Variants in CALY observed in about 807,000 individuals in gnomAD.
CALY encodes the protein neuron-specific vesicular protein calcyon.
A neutral mutation model predicts 20.2 loss-of-function variants in CALY; 15 were observed. That is an observed-to-expected ratio of 0.74 (90% CI 0.50 to 1.14). CALY has a LOEUF of 1.14. CALY is among the 50% of genes most tolerant of loss of function. CALY has a pLI of 0.00. For missense variants in CALY, 270 were observed against 304.4 expected (o/e 0.89, Z 0.84); for synonymous variants, 129 against 131.8 (o/e 0.98, Z 0.15).
chr10:133,326,526 G>A (rs971954558), intron 4 of CALY, among the ~76,000 whole-genome samples: 3 of 151,916 alleles, frequency 2.0e-5, no homozygotes, highest in Non-Finnish European at 2.9e-5. Context: ...AAGGATGGAA[G>A]AAAATATCTG....
Position 133,331,631 on chromosome 10 carries a change from A to G in CALY, c.-20-2622T>C, listed in dbSNP as rs143768403. ...GGAAACACTGTCGACAGAGACCAAG[A>G]AAAGCTAAATTCCCCAAGTAAATGG... is the stretch of plus-strand genomic sequence containing the variant. On this transcript the variant is annotated intron_variant, in intron 1 of 5. Transcript: ENST00000252939. Among the ~76,000 whole-genome samples, 751 of 152,340 alleles carry G rather than the reference A, an allele frequency of 4.9e-3. 6 individuals are homozygous for G. Among genetic ancestry groups the G allele is most frequent in the African/African-American group, 0.017 (708 of 41,572 alleles).
intron 3 of CALY, chr10:133,327,404 G>T: frequency 2.0e-6 from 1 of 493,216 alleles, no homozygotes; most frequent in East Asian, 3.3e-5. Flanking sequence ...ATGAGCTGCA[G>T]ACTGGAACGT....
Position 133,331,866 on chromosome 10 carries a change from C to A in CALY, c.-20-2857G>T, listed in dbSNP as rs77979551. On this transcript the variant is annotated intron_variant, in intron 1 of 5. Transcript: ENST00000252939. ...ATGGATTGCCAGGCACAGTGGCTCA[C>A]GCCTGTAGTCCCAACACTTTGGGAG... is the stretch of plus-strand genomic sequence containing the variant. Among the ~76,000 whole-genome samples the A allele has an allele frequency of 7.0e-3, 1,071 of 152,274 alleles. 21 individuals are homozygous for A. Among genetic ancestry groups the A allele is most frequent in the African/African-American group, 0.025 (1,024 of 41,550 alleles).
At chr10:133,332,213 G>A (rs1848321293) in intron 1 of CALY, among the ~76,000 whole-genome samples, 1 of 152,036 alleles carries the variant, frequency 6.6e-6, no homozygotes, top group Non-Finnish European at 1.5e-5. Context: ...GAGGTGTGGG[G>A]CTACTGCGTG....
rs932383305 is a variant in CALY at position 133,326,917 on chromosome 10, C to T, written c.321G>A (p.Trp107Ter). 2 of 1,610,778 alleles carry T rather than the reference C, an allele frequency of 1.2e-6. No individual in the cohort carries two copies. Among genetic ancestry groups the T allele is most frequent in the Admixed American group, 1.7e-5 (1 of 59,746 alleles). Residue 107 changes from tryptophan (W) to a stop codon, truncating the protein, a stop_gained, in exon 4 of 6, where the codon TGG becomes TGA. Coordinates refer to ENST00000252939, the MANE Select transcript of CALY (RefSeq NM_015722.4). LOFTEE classifies it high-confidence loss of function. ...CGTCGGGGCAGGTGAACTGGTCGTA[C>T]CAGATGGCCTTGTACATGATCAGCA... is the stretch of plus-strand genomic sequence containing the variant. ...GCVLIMYKAI[W>*]YDQFTCPDGF... is the part of the protein sequence containing the mutation.
chr10:133,324,493 G>C lies in CALY; in HGVS notation c.*1102C>G, dbSNP rs559722866. 9.0e-5 allele frequency: 39 copies of C among 433,490 alleles called. 1 individual carries two copies. In the East Asian group the frequency reaches 2.6e-3, roughly 29 times the overall value. The allele number at this position is 433,490 out of a possible 1,614,324, so 26.9% of individuals were successfully genotyped here. Reference sequence around the variant, plus strand: ...GGGTGGGCGGGGCTGCAGAGCCGCTGCTGGCTGGGGTGGGCGGGGCTGCAG... The same window carrying C: ...GGGTGGGCGGGGCTGCAGAGCCGCTCCTGGCTGGGGTGGGCGGGGCTGCAG... On this transcript the variant is annotated 3_prime_UTR_variant, in exon 6 of 6. Coordinates refer to ENST00000252939, the MANE Select transcript of CALY (RefSeq NM_015722.4).
intron 1 of CALY, among the ~76,000 whole-genome samples, chr10:133,333,397 G>C (rs1361271543): frequency 6.8e-6 from 1 of 146,856 alleles, no homozygotes; most frequent in Non-Finnish European, 1.5e-5. Context: ...GATCCGAGCG[G>C]AGGGGTCCGA....
At chr10:133,332,462 AG>A (rs1247032514) in intron 1 of CALY, among the ~76,000 whole-genome samples, 1 of 152,260 alleles carries the variant, frequency 6.6e-6, no homozygotes, top group Non-Finnish European at 1.5e-5. Context: ...TTTCTTCATT[AG>A]GACAATAGGT....
At chr10:133,333,534 G>T (rs1457050794) in intron 1 of CALY, among the ~76,000 whole-genome samples, 2 of 151,744 alleles carry the variant, frequency 1.3e-5, no homozygotes, top group African/African-American at 4.8e-5. Flanking sequence ...GGATCTGAGG[G>T]GGGAAGAATC....
intron 1 of CALY, among the ~76,000 whole-genome samples, chr10:133,332,771 T>TGGTA (rs1357473630): frequency 1.3e-5 from 2 of 152,088 alleles, no homozygotes; most frequent in Non-Finnish European, 2.9e-5. Flanking sequence ...GACCCAAAAC[T>TGGTA]GGTATCGTTA....
At chr10:133,328,634 C>T (rs1311114361) in intron 2 of CALY, among the ~76,000 whole-genome samples, 6 of 152,212 alleles carry the variant, frequency 3.9e-5, no homozygotes, top group Admixed American at 3.9e-4. Context: ...CGTGAATTCT[C>T]GGTTACCCAT....
rs1362931844 is a variant in CALY, at chr10:133,326,903, G to A, written c.335C>T (p.Thr112Ile). 1.2e-6 allele frequency: 2 copies of A among 1,609,560 alleles called. No individual in the cohort carries two copies. Among genetic ancestry groups the A allele is most frequent in the African/African-American group, 1.3e-5 (1 of 75,042 alleles). Residue 112 changes from threonine (T) to isoleucine (I), a missense_variant, in exon 4 of 6, where the codon ACC becomes ATC. Coordinates refer to ENST00000252939, the MANE Select transcript of CALY (RefSeq NM_015722.4). ...CCGCAGCAGGAAGCCGTCGGGGCAGGTGAACTGGTCGTACCAGATGGCCTT... is the reference window on the plus strand; with the variant it reads ...CCGCAGCAGGAAGCCGTCGGGGCAGATGAACTGGTCGTACCAGATGGCCTT... ...MYKAIWYDQF[T>I]CPDGFLLRHK...
chr10:133,325,681 G>T, intron 5 of CALY, 115 bp from the exon 6 acceptor site: 3 of 459,512 alleles, frequency 6.5e-6, no homozygotes, highest in Non-Finnish European at 9.9e-6. Context: ...GTTCTGGCGG[G>T]CCGGGTCGGA....
At chr10:133,331,339 A>G (rs1271424685) in intron 1 of CALY, among the ~76,000 whole-genome samples, 1 of 152,246 alleles carries the variant, frequency 6.6e-6, no homozygotes, top group East Asian at 1.9e-4. Context: ...ACTCTGATTG[A>G]TTCACCCATG....
At chr10:133,335,300 C>T (rs1410927841) in intron 1 of CALY, among the ~76,000 whole-genome samples, 7 of 152,268 alleles carry the variant, frequency 4.6e-5, no homozygotes, top group African/African-American at 1.7e-4. Context: ...AGTCCCGCAC[C>T]AGGGCCCGCA....
chr10:133,336,559 G>A (rs906971969), intron 1 of CALY, among the ~76,000 whole-genome samples: 4 of 152,126 alleles, frequency 2.6e-5, no homozygotes, highest in African/African-American at 9.7e-5. Flanking sequence ...CGGGAAGCCT[G>A]GAGACCACCG....
chr10:133,331,185 TA>T (rs1208359670), intron 1 of CALY, among the ~76,000 whole-genome samples: 2 of 152,196 alleles, frequency 1.3e-5, no homozygotes, highest in Non-Finnish European at 2.9e-5. Flanking sequence ...AGTGAACCAC[TA>T]AATCCCCACA....
chr10:133,328,703 C>T, intron 2 of CALY, 152 bp downstream of exon 2: 2 of 864,466 alleles, frequency 2.3e-6, no homozygotes, highest in South Asian at 1.9e-5. Flanking sequence ...ACACAGAGTG[C>T]CCATGGCCAG....
At chr10:133,326,161 T>G in intron 4 of CALY, 41 bp from the exon 5 acceptor site, 1 of 1,583,998 alleles carries the variant, frequency 6.3e-7, no homozygotes, top group Non-Finnish European at 8.6e-7. Context: ...GGCTGAGCCC[T>G]CCTGTGCGCC....
Sources: allele counts gnomAD v4.1 joint callset (sites outside exome capture counted in the v4.1 genomes callset), GRCh38; gene constraint gnomAD v4.1.1; transcripts MANE v1.5; gene names NCBI Gene and HGNC (gene_info 2026-07-23, HGNC 2026-07-21).